The following ENC1 variants were observed in gnomAD, a reference collection of about 807,000 sequenced individuals.
The protein encoded by ENC1 is ectodermal-neural cortex 1.
In ENC1, 19 loss-of-function variants were observed where a neutral mutation model predicts 40.9. The ratio of observed to expected loss-of-function variants is 0.46; its 90% CI spans 0.32 to 0.68. The LOEUF is 0.68. Among genes scored for constraint, ENC1 ranks in the 30% least tolerant of loss-of-function variants. The pLI, the probability that ENC1 is intolerant of heterozygous loss-of-function variation, is 0.03. For synonymous variants in ENC1, 285 were observed against 291.1 expected, an observed-to-expected ratio of 0.98 and a Z score of 0.21; for missense variants, 479 against 737.5, an observed-to-expected ratio of 0.65 and a Z score of 4.06.
At chr5:74,640,017 C>T (rs893288884) in intron 1 of ENC1, 1 of 152,288 alleles carries the variant, frequency 6.6e-6, no homozygotes, top group Non-Finnish European at 1.5e-5. Context: ...AGGAGAGAGG[C>T]TGACTGTATC....
At position 74,627,456 on chromosome 5, in the gene ENC1, G is replaced by GAAA. The variant is rs10677661; in HGVS notation, c.*2566_*2568dup. 10 of 141,302 alleles carry GAAA rather than the reference G, an allele frequency of 7.1e-5. No individual in the cohort carries two copies. Among genetic ancestry groups the GAAA allele is most frequent in the African/African-American group, 2.3e-4 (9 of 38,890 alleles). The allele number at this position is 141,302 out of a possible 1,614,324, so 8.8% of individuals were successfully genotyped here. On this transcript the variant is annotated 3_prime_UTR_variant, in exon 3 of 3. Transcript: ENST00000302351. ...TTATTGACCTTCAGTTTCACATTGT[G>GAAA]AAAAAAAAAAAAATAACAGTTTTAC...
Position 74,630,160 on chromosome 5 carries a change from C to A in ENC1, c.*33-168G>T, listed in dbSNP as rs1747344204. Among the ~76,000 whole-genome samples the A allele has an allele frequency of 6.6e-5, 10 of 152,258 alleles. No individual in the cohort carries two copies. In the South Asian group the frequency reaches 2.1e-3, roughly 32 times the overall value. ...AAAGGTCTTACATGTTCAGTAGGAA[C>A]TGTGCAAAGATATTTAAAGTACTTG... On this transcript the variant is annotated intron_variant, in intron 2 of 2. Transcript: ENST00000302351.
Position 74,636,359 on chromosome 5 carries a change from G to A in ENC1, c.127C>T (p.Arg43Cys), listed in dbSNP as rs370749999. ...TGGAGAAGGACGTCAGTGAAGAGACGCTGCTGGCGTAAAAGATTCAGGTGA... is the reference window on the plus strand; with the variant it reads ...TGGAGAAGGACGTCAGTGAAGAGACACTGCTGGCGTAAAAGATTCAGGTGA... Reference protein sequence around the residue: ...LTHLNLLRQQRLFTDVLLHAG... With the variant: ...LTHLNLLRQQCLFTDVLLHAG... The change falls in exon 2 of 3, where the codon CGT becomes TGT. Residue 43 changes from arginine (R) to cysteine (C), a missense_variant. By Grantham distance (180) the Arg-to-Cys change is radical. Coordinates refer to ENST00000302351, the MANE Select transcript of ENC1 (RefSeq NM_003633.4). This position sits in a 1 kb window ranked among gnomAD's most constrained non-coding sequence, Gnocchi z 4.8. 52 of 1,614,048 alleles carry A rather than the reference G, an allele frequency of 3.2e-5. No homozygotes were observed. The highest frequency in any genetic ancestry group is 4.1e-5 in the Non-Finnish European group (48 of 1,180,024).
At position 74,635,090 on chromosome 5, in the gene ENC1, C is replaced by CGTAA; in HGVS notation, c.1392_1395dup (p.Asp466LeufsTer5). On this transcript the variant is annotated frameshift_variant, in exon 2 of 3. Transcript: ENST00000302351. LOFTEE classifies it high-confidence loss of function. The surrounding 1 kb of genome is among the most constrained non-coding windows in gnomAD (Gnocchi z 5.5). ...ACAGTCCACCTGTTTTCACACTGATCGTAACACTGAACTTTGGGGAGCTTG... is the reference window on the plus strand; with the variant it reads ...ACAGTCCACCTGTTTTCACACTGATCGTAAGTAACACTGAACTTTGGGGAGCTTG... 1 of 1,614,194 alleles carries CGTAA rather than the reference C, an allele frequency of 6.2e-7. No individual in the cohort carries two copies. The highest frequency in any genetic ancestry group is 1.7e-5 in the Admixed American group (1 of 60,030).
chr5:74,634,769 A>G lies in ENC1; in HGVS notation c.1717T>C (p.Tyr573His). 1 of 1,614,130 alleles carries G rather than the reference A, an allele frequency of 6.2e-7. No homozygotes were observed. The highest frequency in any genetic ancestry group is 8.5e-7 in the Non-Finnish European group (1 of 1,179,958). ...DVWNSITTVP[Y>H]SLIPTAFVST... Reference sequence around the variant, plus strand: ...ACAAATGCAGTAGGAATCAGCGAGTACGGGACAGTGGTGATGCTGTTCCAC... The same window carrying G: ...ACAAATGCAGTAGGAATCAGCGAGTGCGGGACAGTGGTGATGCTGTTCCAC... The change falls in exon 2 of 3, where the codon TAC (tyrosine) becomes CAC (histidine). Residue 573 changes from tyrosine to histidine, a missense_variant. Transcript: ENST00000302351.
chr5:74,631,090 G>A (rs1013122738), intron 2 of ENC1, among the ~76,000 whole-genome samples: 1 of 151,220 alleles, frequency 6.6e-6, no homozygotes, highest in Non-Finnish European at 1.5e-5. Flanking sequence ...TCAAGACAAT[G>A]CATATTCAAA....
At chr5:74,634,658 C>T in intron 2 of ENC1, 26 bp downstream of exon 2, 3 of 1,144,640 alleles carry the variant, frequency 2.6e-6, no homozygotes, top group Non-Finnish European at 3.8e-6. Context: ...TATATGCATA[C>T]TTACATCTAT....
At position 74,635,456 on chromosome 5, in the gene ENC1, T is replaced by C. The variant is rs1468693673; in HGVS notation, c.1030A>G (p.Ile344Val). The part of the protein sequence containing the change: ...SACAIGCKVY[I>V]TGGRGSENGV... ...TTTTCAGACCCCCGCCCCCCAGTAA[T>C]GTACACTTTGCAGCCAATCGCACAT... is the stretch of plus-strand genomic sequence containing the variant. The change falls in exon 2 of 3, where the codon ATT becomes GTT. Residue 344 changes from isoleucine (I) to valine (V), a missense_variant. Physicochemically the swap from Ile to Val is conservative, Grantham distance 29. Coordinates refer to ENST00000302351, the MANE Select transcript of ENC1 (RefSeq NM_003633.4). This position sits in a 1 kb window ranked among gnomAD's most constrained non-coding sequence, Gnocchi z 5.5. 3 of 1,613,986 alleles carry C rather than the reference T, an allele frequency of 1.9e-6. No homozygotes were observed. The highest frequency in any genetic ancestry group is 2.5e-6 in the Non-Finnish European group (3 of 1,179,972).
chr5:74,637,304 A>C (rs899501504), intron 1 of ENC1, among the ~76,000 whole-genome samples: 1 of 152,022 alleles, frequency 6.6e-6, no homozygotes, highest in African/African-American at 2.4e-5. Context: ...TTTTGTAGAG[A>C]CCGGGTCTCA....
intron 2 of ENC1, among the ~76,000 whole-genome samples, chr5:74,632,647 A>G (rs1747433355): frequency 6.6e-6 from 1 of 152,212 alleles, no homozygotes; most frequent in Admixed American, 6.5e-5. Flanking sequence ...TGAGGTCAGG[A>G]GTTCAAGACC....
intron 1 of ENC1, among the ~76,000 whole-genome samples, chr5:74,639,795 T>C (rs1747770059): frequency 1.3e-5 from 2 of 152,196 alleles, no homozygotes; most frequent in Admixed American, 1.3e-4. Flanking sequence ...ATCAAGAAAC[T>C]AGTTTTTCAG....
chr5:74,635,619 T>C lies in ENC1; in HGVS notation c.867A>G (p.Arg289=). The C allele has an allele frequency of 6.2e-7, 1 of 1,614,152 alleles. No homozygotes were observed. Among genetic ancestry groups the C allele is most frequent in the South Asian group, 1.1e-5 (1 of 91,076 alleles). ...AGAGGGCATGGCCAGTTTTCCGAGG[T>C]CGGGCACAGAGGCTGGTTACCACAC... ...NDGVVTSLCA[R]PRKTGHALFL... Residue 289 remains arginine, a synonymous_variant, in exon 2 of 3, where the codon CGA becomes CGG. Transcript: ENST00000302351. The surrounding 1 kb of genome is among the most constrained non-coding windows in gnomAD (Gnocchi z 5.5).
chr5:74,634,947 A>C lies in ENC1; in HGVS notation c.1539T>G (p.Ser513Arg). The change falls in exon 2 of 3, where the codon AGT becomes AGG. Residue 513 changes from serine (S) to arginine (R), a missense_variant. Transcript: ENST00000302351. Reference sequence around the variant, plus strand: ...CCACCTTGGTCCACTGGTAAGTCTCACTGTTGAATTTATAAGCAGAGCAGG... The same window carrying C: ...CCACCTTGGTCCACTGGTAAGTCTCCCTGTTGAATTTATAAGCAGAGCAGG... Reference protein sequence around the residue: ...FSACSAYKFNSETYQWTKVGD... With the variant: ...FSACSAYKFNRETYQWTKVGD... 1.2e-6 allele frequency: 2 copies of C among 1,614,072 alleles called. No individual in the cohort carries two copies. Among genetic ancestry groups the C allele is most frequent in the Non-Finnish European group, 1.7e-6 (2 of 1,179,944 alleles).
intron 2 of ENC1, among the ~76,000 whole-genome samples, chr5:74,633,679 C>T (rs919070634): frequency 6.6e-6 from 1 of 152,114 alleles, no homozygotes; most frequent in Non-Finnish European, 1.5e-5. Context: ...TGAAGTATCA[C>T]CTGGGATGAC....
In ENC1 at chr5:74,628,444, C is replaced by T. The variant is rs300260; in HGVS notation, c.*1581G>A. ...CCTGCACCTCAGGGGAAGCACCTAT[C>T]TGAGACTAGCACTAATACCTACGAC... is the stretch of plus-strand genomic sequence containing the variant. On this transcript the variant is annotated 3_prime_UTR_variant, in exon 3 of 3. Transcript: ENST00000302351. 0.99 allele frequency: 150,510 copies of T among 152,738 alleles called. 74,162 individuals carry two copies. Among genetic ancestry groups the T allele is most frequent in the East Asian group, 1 (5,181 of 5,182 alleles). 9.5% of individuals were successfully genotyped at this position (152,738 alleles called of 1,614,324 possible).
chr5:74,635,153 T>G lies in ENC1; in HGVS notation c.1333A>C (p.Lys445Gln). 1 of 1,614,150 alleles carries G rather than the reference T, an allele frequency of 6.2e-7. No individual in the cohort carries two copies. Among genetic ancestry groups the G allele is most frequent in the East Asian group, 2.2e-5 (1 of 44,880 alleles). Residue 445 changes from lysine to glutamine, a missense_variant, in exon 2 of 3, where the codon AAG (lysine) becomes CAG (glutamine). Physicochemically the swap from Lys to Gln is moderately conservative, Grantham distance 53. Transcript: ENST00000302351. The surrounding 1 kb of genome is among the most constrained non-coding windows in gnomAD (Gnocchi z 5.5). ...SNAAVVSAKL[K>Q]LFAFGGTSVS... ...CTGGTACCTCCGAAAGCAAATAACT[T>G]AAGTTTGGCACTCACTACTGCGGCG...
intron 2 of ENC1, among the ~76,000 whole-genome samples, chr5:74,633,714 A>G (rs1354100949): frequency 2.6e-5 from 4 of 152,220 alleles, no homozygotes; most frequent in African/African-American, 9.6e-5. Context: ...TGTGAAGCTC[A>G]AGTTTATTCG....
rs1473180361 is a variant in ENC1, at chr5:74,629,373, ACTT to A, written c.*649_*651del. The A allele has an allele frequency of 6.6e-6, 1 of 152,228 alleles. No homozygotes were observed. The highest frequency in any genetic ancestry group is 1.5e-5 in the Non-Finnish European group (1 of 68,040). The allele number at this position is 152,228 out of a possible 1,614,324, so 9.4% of individuals were successfully genotyped here. A position where few individuals can be genotyped will look rare whatever the true frequency, so the allele number is the denominator to read the frequency against. Reference sequence around the variant, plus strand: ...CAATAAATAGCTAAATCTATAACAAACTTCTTAACAGCCAAGGGAAAGTTTAAA... The same window carrying A: ...CAATAAATAGCTAAATCTATAACAAACTTAACAGCCAAGGGAAAGTTTAAA... On this transcript the variant is annotated 3_prime_UTR_variant, in exon 3 of 3. Coordinates refer to ENST00000302351, the MANE Select transcript of ENC1 (RefSeq NM_003633.4).
intron 2 of ENC1, among the ~76,000 whole-genome samples, chr5:74,630,994 A>T (rs1580345463): frequency 1.3e-5 from 2 of 152,328 alleles, no homozygotes; most frequent in Admixed American, 1.3e-4. Flanking sequence ...GCCTTAGACT[A>T]CGGTGTCATT....
Sources: allele counts gnomAD v4.1 joint callset (sites outside exome capture counted in the v4.1 genomes callset), GRCh38; gene constraint gnomAD v4.1.1; non-coding constraint Gnocchi (gnomAD v3.1); transcripts MANE v1.5; gene names NCBI Gene and HGNC (gene_info 2026-07-23, HGNC 2026-07-21).